The following PPP2R2D variants were observed in gnomAD, a reference collection of about 807,000 sequenced individuals.
PPP2R2D encodes the protein serine/threonine-protein phosphatase 2A 55 kDa regulatory subunit B delta isoform.
PPP2R2D carries 9 observed loss-of-function variants against 31.1 expected under a neutral mutation model. The ratio of observed to expected loss-of-function variants is 0.29; its 90% CI spans 0.17 to 0.51. PPP2R2D has a LOEUF of 0.51. Ranked by LOEUF, PPP2R2D falls within the 20% of genes least tolerant of loss-of-function variation. PPP2R2D has a pLI of 0.98. For missense variants in PPP2R2D, 391 were observed against 465.6 expected, an observed-to-expected ratio of 0.84 and a Z score of 1.48; for synonymous variants, 179 against 172.6, an observed-to-expected ratio of 1.04 and a Z score of -0.29.
intron 2 of PPP2R2D, 28 bp downstream of exon 2, chr10:131,901,358 G>A (rs1470589432): frequency 1.1e-5 from 4 of 353,868 alleles, no homozygotes; most frequent in Non-Finnish European, 2.0e-5. Context: ...CCCCGCCCCG[G>A]GACCCTCGCG....
At chr10:131,941,199 T>C (rs1435864081) in intron 5 of PPP2R2D, among the ~76,000 whole-genome samples, 2 of 152,254 alleles carry the variant, frequency 1.3e-5, no homozygotes, top group Non-Finnish European at 2.9e-5. Flanking sequence ...CATCATTACT[T>C]TTTTAATTGT....
downstream of PPP2R2D, among the ~76,000 whole-genome samples, chr10:131,964,585 A>T (rs1554901950): frequency 6.6e-6 from 1 of 152,142 alleles, no homozygotes; most frequent in Non-Finnish European, 1.5e-5. Context: ...CATTACGTGT[A>T]ACATCACACA....
chr10:131,966,551 C>T, the PPP2R2D span: 2 of 152,226 alleles, frequency 1.3e-5, no homozygotes, highest in Non-Finnish European at 2.9e-5. Flanking sequence ...CTGTCTAAAG[C>T]ACTCCAGTCC....
chr10:131,930,397 C>T (rs1020439761), intron 2 of PPP2R2D, among the ~76,000 whole-genome samples: 1 of 152,258 alleles, frequency 6.6e-6, no homozygotes, highest in Non-Finnish European at 1.5e-5. Flanking sequence ...GAAGTCAGAT[C>T]TGCCATCTTC....
chr10:131,939,884 T>C lies in PPP2R2D; in HGVS notation c.199-147T>C, dbSNP rs868927276. On this transcript the variant is annotated intron_variant, in intron 3 of 8. Coordinates refer to ENST00000455566, the MANE Select transcript of PPP2R2D (RefSeq NM_018461.5). ...AAGTTCGTTCTTTTTTTTTTTTTTT[T>C]CCCTGAGTTTCATCTGAGATTTTTT... 6.0e-4 allele frequency: 236 copies of C among 390,580 alleles called. 1 individual carries two copies. The highest frequency in any genetic ancestry group is 2.7e-3 in the Middle Eastern group (4 of 1,466). 24.2% of individuals were successfully genotyped at this position (390,580 alleles called of 1,614,324 possible).
chr10:131,964,666 GTTT>G (rs60096905), downstream of PPP2R2D, among the ~76,000 whole-genome samples: 91 of 133,808 alleles, frequency 6.8e-4, 1 homozygote, highest in African/African-American at 2.4e-3. Flanking sequence ...AGTTTACTAT[GTTT>G]TTTTTTTTTT....
chr10:131,932,555 G>A (rs556266433), intron 2 of PPP2R2D, among the ~76,000 whole-genome samples: 5 of 148,886 alleles, frequency 3.4e-5, no homozygotes, highest in African/African-American at 5.0e-5. Flanking sequence ...TAATCCCGGC[G>A]ACGCAGGAGG....
At chr10:131,911,492 G>A (rs2035681838) in intron 2 of PPP2R2D, 4 of 152,256 alleles carry the variant, frequency 2.6e-5, no homozygotes, top group Non-Finnish European at 5.9e-5. Context: ...TATTTTAACT[G>A]TTCATCAGGG....
intron 2 of PPP2R2D, 67 bp downstream of exon 2, chr10:131,901,397 C>T (rs1355813483): frequency 2.9e-6 from 1 of 346,444 alleles, no homozygotes; most frequent in Non-Finnish European, 5.2e-6. Context: ...CGCGCGCGGC[C>T]TCCGGGCCCC....
intron 3 of PPP2R2D, among the ~76,000 whole-genome samples, chr10:131,935,409 T>C (rs568670713): frequency 2.0e-5 from 3 of 152,310 alleles, no homozygotes; most frequent in South Asian, 2.1e-4. Flanking sequence ...TCTAAATTTG[T>C]GTGACGAACT....
intron 2 of PPP2R2D, among the ~76,000 whole-genome samples, chr10:131,908,745 C>T (rs2035638221): frequency 6.6e-6 from 1 of 152,220 alleles, no homozygotes; most frequent in Non-Finnish European, 1.5e-5. Flanking sequence ...GACAAACAAA[C>T]ACGTTAACTG....
At chr10:131,903,960 C>T (rs1026033532) in intron 2 of PPP2R2D, among the ~76,000 whole-genome samples, 9 of 152,108 alleles carry the variant, frequency 5.9e-5, no homozygotes, top group African/African-American at 1.9e-4. Context: ...CCCCAGCACT[C>T]TGGGAGGCTG....
intron 8 of PPP2R2D, among the ~76,000 whole-genome samples, chr10:131,951,329 G>A (rs2036631823): frequency 6.6e-6 from 1 of 152,228 alleles, no homozygotes; most frequent in Non-Finnish European, 1.5e-5. Flanking sequence ...GCCCACAGGT[G>A]CATCATTAGA....
rs974929295 is a variant in PPP2R2D, at chr10:131,956,526, A to T, written c.*563A>T. 1 of 985,250 alleles carries T rather than the reference A, an allele frequency of 1.0e-6. No individual in the cohort carries two copies. The highest frequency in any genetic ancestry group is 1.2e-6 in the Non-Finnish European group (1 of 829,932). The allele number at this position is 985,250 out of a possible 1,614,324, so 61.0% of individuals were successfully genotyped here. ...TGTGAGCGCTCAATAAAAACAACAC[A>T]CTATAAAGTGTTTTTAAATCCAAAC... On this transcript the variant is annotated 3_prime_UTR_variant, in exon 9 of 9. Coordinates refer to ENST00000455566, the MANE Select transcript of PPP2R2D (RefSeq NM_018461.5).
chr10:131,950,352 A>C (rs149433538), intron 8 of PPP2R2D, among the ~76,000 whole-genome samples: 109 of 152,298 alleles, frequency 7.2e-4, no homozygotes, highest in Non-Finnish European at 1.4e-3. Flanking sequence ...CATCCATCTC[A>C]TAATGAAATT....
intron 2 of PPP2R2D, 144 bp from the exon 3 acceptor site, chr10:131,934,314 C>T (rs186092035): frequency 1.7e-6 from 1 of 589,958 alleles, no homozygotes; most frequent in East Asian, 2.9e-5. Flanking sequence ...TTGGTAATTA[C>T]AAGTTTGCCA....
At chr10:131,913,006 A>G (rs1401413884) in intron 2 of PPP2R2D, among the ~76,000 whole-genome samples, 4 of 151,972 alleles carry the variant, frequency 2.6e-5, no homozygotes, top group South Asian at 2.1e-4. Flanking sequence ...TCAGTCTGTA[A>G]AAGTGGTTTT....
At chr10:131,922,235 A>G (rs1414899400) in intron 2 of PPP2R2D, among the ~76,000 whole-genome samples, 1 of 152,232 alleles carries the variant, frequency 6.6e-6, no homozygotes, top group Admixed American at 6.5e-5. Context: ...ACGTATGTCT[A>G]TGACTGTGAG....
chr10:131,932,551 C>T lies in PPP2R2D; in HGVS notation c.101-1907C>T, dbSNP rs577499645. Among the ~76,000 whole-genome samples, 87 of 148,710 alleles carry T rather than the reference C, an allele frequency of 5.9e-4. No individual in the cohort carries two copies. The South Asian group carries it at 0.017, about 29-fold the overall frequency. ...GTGTGGTGGTGCACGCCTGTAATCC[C>T]GGCGACGCAGGAGGCTGAGACATGA... is the stretch of plus-strand genomic sequence containing the variant. On this transcript the variant is annotated intron_variant, in intron 2 of 8. Transcript: ENST00000455566.
Sources: allele counts gnomAD v4.1 joint callset (sites outside exome capture counted in the v4.1 genomes callset), GRCh38; gene constraint gnomAD v4.1.1; transcripts MANE v1.5; gene names NCBI Gene and HGNC (gene_info 2026-07-23, HGNC 2026-07-21).